The following ALMS1 variants were observed in gnomAD, a reference collection of about 807,000 sequenced individuals.
The protein encoded by ALMS1 is centrosome-associated protein ALMS1.
In ALMS1, 271 loss-of-function variants were observed where a neutral mutation model predicts 352.2. The ratio of observed to expected loss-of-function variants is 0.77; its 90% CI spans 0.70 to 0.85. The LOEUF is 0.85. Ranked by LOEUF, ALMS1 falls within the 40% of genes least tolerant of loss-of-function variation. The pLI, the probability that ALMS1 is intolerant of heterozygous loss-of-function variation, is 0.00. For synonymous variants in ALMS1, 1,865 were observed against 1,761.2 expected, an observed-to-expected ratio of 1.06 and a Z score of -1.48; for missense variants, 5,445 against 4,870.7, an observed-to-expected ratio of 1.12 and a Z score of -3.51.
At chr2:73,536,660 G>A (rs1052144378) in intron 12 of ALMS1, among the ~76,000 whole-genome samples, 1 of 152,062 alleles carries the variant, frequency 6.6e-6, no homozygotes, top group African/African-American at 2.4e-5. Context: ...AGAGTTTGGG[G>A]CCAAGAGCAA....
chr2:73,489,515 A>G (rs1672927099), intron 9 of ALMS1, 119 bp from the exon 10 acceptor site: 3 of 1,157,606 alleles, frequency 2.6e-6, no homozygotes, highest in Admixed American at 3.8e-5. Flanking sequence ...TTATAAAAGA[A>G]TGACATGACC....
At chr2:73,518,745 C>G (rs1008005922) in intron 10 of ALMS1, among the ~76,000 whole-genome samples, 2 of 152,090 alleles carry the variant, frequency 1.3e-5, no homozygotes, top group Non-Finnish European at 2.9e-5. Context: ...TGCGTGGTGG[C>G]TGCATATATA....
intron 11 of ALMS1, among the ~76,000 whole-genome samples, chr2:73,525,670 T>G (rs1390290322): frequency 6.6e-6 from 1 of 152,210 alleles, no homozygotes; most frequent in Admixed American, 6.5e-5. Flanking sequence ...CTTTATACAT[T>G]ATGGCTACTA....
intron 16 of ALMS1, among the ~76,000 whole-genome samples, chr2:73,587,981 A>T (rs1468285659): frequency 6.6e-6 from 1 of 152,164 alleles, no homozygotes; most frequent in Non-Finnish European, 1.5e-5. Flanking sequence ...AGAAATAGGA[A>T]CTCCGAACAG....
chr2:73,460,296 A>G (rs1345094529), intron 9 of ALMS1, among the ~76,000 whole-genome samples: 2 of 152,184 alleles, frequency 1.3e-5, no homozygotes, highest in South Asian at 2.1e-4. Context: ...TCTTTCAACA[A>G]TGAATGGTGA....
intron 10 of ALMS1, among the ~76,000 whole-genome samples, chr2:73,507,771 T>A (rs1673361687): frequency 1.3e-5 from 2 of 152,224 alleles, no homozygotes; most frequent in South Asian, 4.1e-4. Context: ...CGTGTCTCTA[T>A]TTCCTTCAGT....
chr2:73,392,851 T>A (rs1188093188), intron 1 of ALMS1, among the ~76,000 whole-genome samples: 1 of 152,218 alleles, frequency 6.6e-6, no homozygotes, highest in Non-Finnish European at 1.5e-5. Flanking sequence ...TCATTTCTCT[T>A]GGATGTATAT....
intron 13 of ALMS1, among the ~76,000 whole-genome samples, chr2:73,553,493 A>G (rs1035910297): frequency 2.0e-5 from 3 of 152,174 alleles, no homozygotes; most frequent in African/African-American, 4.8e-5. Context: ...TTTCAGTTCT[A>G]TTTGCAGCTA....
At chr2:73,425,362 A>T (rs1177698859) in intron 5 of ALMS1, among the ~76,000 whole-genome samples, 1 of 152,186 alleles carries the variant, frequency 6.6e-6, no homozygotes, top group East Asian at 1.9e-4. Context: ...TTAGAAATAC[A>T]GTATATTAGG....
intron 10 of ALMS1, among the ~76,000 whole-genome samples, chr2:73,510,888 G>T (rs180724809): frequency 6.6e-6 from 1 of 152,340 alleles, no homozygotes; most frequent in East Asian, 1.9e-4. Flanking sequence ...TGGGGCTGCT[G>T]CCTTTCTTTC....
chr2:73,386,199 C>T lies in ALMS1; in HGVS notation c.324+7C>T. 6.5e-7 allele frequency: 1 copy of T among 1,527,476 alleles called. No individual in the cohort carries two copies. Among genetic ancestry groups the T allele is most frequent in the Non-Finnish European group, 8.8e-7 (1 of 1,134,606 alleles). 94.6% of individuals were successfully genotyped at this position (1,527,476 alleles called of 1,614,324 possible). A position where few individuals can be genotyped will look rare whatever the true frequency, so the allele number is the denominator to read the frequency against. ...GCGGACCTCCCTGGAGAAGGTGAGG[C>T]GGGCCGGGGAGGGGTGTGGAGCCGC... On this transcript the variant is annotated splice_region_variant and intron_variant, in intron 1 of 22. Transcript: ENST00000613296.
chr2:73,572,768 C>T lies in ALMS1; in HGVS notation c.10891C>T (p.Arg3631Cys), dbSNP rs762251180. The T allele has an allele frequency of 1.4e-5, 22 of 1,614,028 alleles. No individual in the cohort carries two copies. Among genetic ancestry groups the T allele is most frequent in the East Asian group, 2.2e-5 (1 of 44,876 alleles). Residue 3631 changes from arginine (R) to cysteine (C), a missense_variant, in exon 16 of 23, where the codon CGT becomes TGT. Coordinates refer to ENST00000613296, the MANE Select transcript of ALMS1 (RefSeq NM_001378454.1). Reference sequence around the variant, plus strand: ...ACTGTCCTTGGTGGACCGACTTGATCGTTTGGCTAAAATTCTTCAGAATCC... The same window carrying T: ...ACTGTCCTTGGTGGACCGACTTGATTGTTTGGCTAAAATTCTTCAGAATCC... ...KELSLVDRLDRLAKILQNPIT... is the reference protein window; with the variant it reads ...KELSLVDRLDCLAKILQNPIT...
chr2:73,420,789 A>T (rs538489939), intron 3 of ALMS1, among the ~76,000 whole-genome samples: 1 of 152,310 alleles, frequency 6.6e-6, no homozygotes, highest in Non-Finnish European at 1.5e-5. Context: ...AGATTCCTGG[A>T]TCTCATAGGC....
intron 11 of ALMS1, among the ~76,000 whole-genome samples, chr2:73,523,745 C>T (rs1295205191): frequency 2.0e-5 from 3 of 151,088 alleles, no homozygotes; most frequent in Non-Finnish European, 2.9e-5. Flanking sequence ...CCAGCCTGGG[C>T]GACAGAGTGA....
At chr2:73,419,955 C>T (rs1266869877) in intron 3 of ALMS1, among the ~76,000 whole-genome samples, 4 of 152,070 alleles carry the variant, frequency 2.6e-5, no homozygotes, top group African/African-American at 9.7e-5. Flanking sequence ...AGTTCTTTGC[C>T]AACATAAACT....
At chr2:73,478,057 A>G (rs1284063506) in intron 9 of ALMS1, among the ~76,000 whole-genome samples, 1 of 152,150 alleles carries the variant, frequency 6.6e-6, no homozygotes, top group East Asian at 1.9e-4. Flanking sequence ...GTAGGGAGAA[A>G]GCATCTAGCT....
At chr2:73,462,382 A>C (rs1672223993) in intron 9 of ALMS1, among the ~76,000 whole-genome samples, 1 of 152,188 alleles carries the variant, frequency 6.6e-6, no homozygotes, top group Non-Finnish European at 1.5e-5. Flanking sequence ...GGAGAAATAA[A>C]ATCCTTTACA....
chr2:73,426,387 C>A (rs941182776), intron 5 of ALMS1, 66 bp from the exon 6 acceptor site: 1 of 1,520,324 alleles, frequency 6.6e-7, no homozygotes, highest in Non-Finnish European at 9.1e-7. Flanking sequence ...GAAAGTCCTT[C>A]GTGTGTGGGA....
intron 16 of ALMS1, among the ~76,000 whole-genome samples, chr2:73,576,074 CTT>C (rs781596608): frequency 6.6e-6 from 1 of 152,086 alleles, no homozygotes; most frequent in African/African-American, 2.4e-5. Context: ...GTTGAAAAGA[CTT>C]TTTTTCCCCA....
Sources: allele counts gnomAD v4.1 joint callset (sites outside exome capture counted in the v4.1 genomes callset), GRCh38; gene constraint gnomAD v4.1.1; transcripts MANE v1.5; gene names NCBI Gene and HGNC (gene_info 2026-07-23, HGNC 2026-07-21).